The following SCN8A variants were observed in gnomAD, a reference collection of about 807,000 sequenced individuals.
SCN8A encodes sodium voltage-gated channel alpha subunit 8.
In SCN8A, 30 loss-of-function variants were observed where a neutral mutation model predicts 184.1. The ratio of observed to expected loss-of-function variants is 0.16; its 90% CI spans 0.12 to 0.22. The LOEUF (loss-of-function observed/expected upper bound fraction) is 0.22. Among genes scored for constraint, SCN8A ranks in the 10% least tolerant of loss-of-function variants. SCN8A has a pLI of 1.00. For missense variants in SCN8A, 1,057 were observed against 2,498.9 expected (o/e 0.42, Z 12.30); for synonymous variants, 852 against 907.0 (o/e 0.94, Z 1.09).
rs1179542600 is a variant in SCN8A, at chr12:51,789,148, C to CAGAA, written c.4282-128_4282-125dup. ...ATGCCAGTGTAGAGAAGGAGGCAGG[C>CAGAA]AGAAAGAATCTAGGGCTCTCCCACC... On this transcript the variant is annotated intron_variant, in intron 23 of 26. Transcript: ENST00000627620. The CAGAA allele has an allele frequency of 5.5e-6, 5 of 905,116 alleles. No individual in the cohort carries two copies. The East Asian group carries it at 1.3e-4, about 24-fold the overall frequency. 56.1% of individuals were successfully genotyped at this position (905,116 alleles called of 1,614,324 possible).
At chr12:51,674,490 G>A (rs1460220050) in intron 2 of SCN8A, among the ~76,000 whole-genome samples, 1 of 152,060 alleles carries the variant, frequency 6.6e-6, no homozygotes, top group Non-Finnish European at 1.5e-5. Context: ...ACGCCACCAC[G>A]CCTGGCTAAT....
intron 21 of SCN8A, among the ~76,000 whole-genome samples, chr12:51,782,496 A>C (rs1055678296): frequency 1.3e-5 from 2 of 152,254 alleles, no homozygotes; most frequent in African/African-American, 4.8e-5. Flanking sequence ...GATGCAACCA[A>C]AAAAGTCCAC....
chr12:51,768,668 A>T (rs1942874122), intron 16 of SCN8A, among the ~76,000 whole-genome samples, 197 bp from the exon 17 acceptor site: 1 of 152,180 alleles, frequency 6.6e-6, no homozygotes, highest in Non-Finnish European at 1.5e-5. Context: ...GAGGTGCTAA[A>T]CTCCTTGTAT....
intron 2 of SCN8A, among the ~76,000 whole-genome samples, chr12:51,674,387 C>T (rs1373218447): frequency 6.6e-6 from 1 of 151,988 alleles, no homozygotes; most frequent in Non-Finnish European, 1.5e-5. Context: ...GGCTGGAGTG[C>T]AGTGGCACAG....
rs919899554 is a variant in SCN8A at position 51,794,589 on chromosome 12, C to T, written c.4743C>T (p.Phe1581=). 7 of 1,613,882 alleles carry T rather than the reference C, an allele frequency of 4.3e-6. No homozygotes were observed. Among genetic ancestry groups the T allele is most frequent in the Non-Finnish European group, 5.1e-6 (6 of 1,179,912 alleles). Residue 1581 remains phenylalanine (F), a synonymous_variant, in exon 26 of 27, where the codon TTC becomes TTT. Coordinates refer to ENST00000627620, the MANE Select transcript of SCN8A (RefSeq NM_001330260.2). The stretch of plus-strand genomic sequence containing the variant: ...TGTTTGCGTTGAGGCACTACTACTT[C>T]ACCATTGGCTGGAACATCTTCGACT... ...LKMFALRHYY[F]TIGWNIFDFV...
intron 12 of SCN8A, among the ~76,000 whole-genome samples, chr12:51,742,211 A>G (rs748192454): frequency 6.6e-6 from 1 of 152,218 alleles, no homozygotes; most frequent in Non-Finnish European, 1.5e-5. Flanking sequence ...TAATTATGGT[A>G]TGTGGGAGTT....
rs367834378 is a variant in SCN8A at position 51,592,935 on chromosome 12, T to G, written c.-55+1576T>G. Among the ~76,000 whole-genome samples, 68 of 152,256 alleles carry G rather than the reference T, an allele frequency of 4.5e-4. No individual in the cohort carries two copies. The South Asian group carries it at 0.014, about 31-fold the overall frequency. On this transcript the variant is annotated intron_variant, in intron 1 of 26. Transcript: ENST00000627620. The stretch of plus-strand genomic sequence containing the variant: ...ATTAGAAGATGTGGAGGGGGGGATG[T>G]TGTGCTTTTATTCTTTTCTCAAAAA...
rs371766742 is a variant in SCN8A at position 51,807,281 on chromosome 12, G to A, written c.5795G>A (p.Arg1932Gln). 1.5e-5 allele frequency: 24 copies of A among 1,613,886 alleles called. 1 individual carries two copies. Among genetic ancestry groups the A allele is most frequent in the East Asian group, 4.5e-5 (2 of 44,878 alleles). ...AAGCTGGAGAATGGAGGCACACACC[G>A]GGAGAAAAAAGAGAGCACCCCATCT... ...SNKLENGGTH[R>Q]EKKESTPSTA... The change falls in exon 27 of 27, where the codon CGG becomes CAG. Residue 1932 changes from arginine (R) to glutamine (Q), a missense_variant. Physicochemically the swap from Arg to Gln is conservative, Grantham distance 43. Around this residue, in one of 19 missense-constraint regions of SCN8A, gnomAD observed 95 missense variants for 140.2 expected, o/e 0.68. Coordinates refer to ENST00000627620, the MANE Select transcript of SCN8A (RefSeq NM_001330260.2). The surrounding 1 kb of genome is among the most constrained non-coding windows in gnomAD (Gnocchi z 4.5).
Position 51,807,111 on chromosome 12 carries a change from A to G in SCN8A, c.5625A>G (p.Ala1875=), listed in dbSNP as rs1483849423. 6.2e-7 allele frequency: 1 copy of G among 1,613,922 alleles called. No individual in the cohort carries two copies. The highest frequency in any genetic ancestry group is 8.5e-7 in the Non-Finnish European group (1 of 1,179,868). ...LRQQMEERFV[A]SNPSKVSYEP... ...AGCAGATGGAAGAGCGGTTCGTGGC[A>G]TCCAATCCTTCCAAAGTGTCTTACG... The change falls in exon 27 of 27, where the codon GCA becomes GCG. Residue 1875 remains alanine, a synonymous_variant. Coordinates refer to ENST00000627620, the MANE Select transcript of SCN8A (RefSeq NM_001330260.2). This position sits in a 1 kb window ranked among gnomAD's most constrained non-coding sequence, Gnocchi z 4.5.
At chr12:51,805,897 C>T (rs898180695) in intron 26 of SCN8A, among the ~76,000 whole-genome samples, 13 of 151,862 alleles carry the variant, frequency 8.6e-5, no homozygotes, top group African/African-American at 3.1e-4. Context: ...GGCACGATCT[C>T]GGCTTACTAC....
intron 2 of SCN8A, among the ~76,000 whole-genome samples, chr12:51,671,722 C>T (rs983940205): frequency 2.0e-5 from 3 of 152,178 alleles, no homozygotes; most frequent in African/African-American, 7.2e-5. Flanking sequence ...GGATGCTTCT[C>T]TTTTGAATTG....
At chr12:51,687,017 G>T in intron 4 of SCN8A, 74 bp from the exon 5 acceptor site, 1 of 1,518,366 alleles carries the variant, frequency 6.6e-7, no homozygotes, top group Non-Finnish European at 9.1e-7. Context: ...AACACTTCAG[G>T]CAAGTGCTAA....
intron 12 of SCN8A, among the ~76,000 whole-genome samples, chr12:51,724,379 G>A (rs1178970031): frequency 2.6e-5 from 4 of 152,080 alleles, no homozygotes; most frequent in Non-Finnish European, 4.4e-5. Flanking sequence ...CCTGGGAGGC[G>A]GAGGCTGTAA....
chr12:51,738,369 T>C (rs541783015), intron 12 of SCN8A, among the ~76,000 whole-genome samples: 22 of 152,322 alleles, frequency 1.4e-4, no homozygotes, highest in Middle Eastern at 6.8e-3. Flanking sequence ...TTTGATATAC[T>C]TCAGTGGCTT....
chr12:51,648,757 C>A (rs1940646122), intron 1 of SCN8A, among the ~76,000 whole-genome samples: 1 of 152,138 alleles, frequency 6.6e-6, no homozygotes, highest in African/African-American at 2.4e-5. Context: ...CATGGGAGTA[C>A]AATTCAAGAT....
intron 1 of SCN8A, among the ~76,000 whole-genome samples, chr12:51,609,830 G>C (rs1260574067): frequency 7.4e-6 from 1 of 135,498 alleles, no homozygotes; most frequent in African/African-American, 2.7e-5. Flanking sequence ...TGTGGGGAGG[G>C]GGGAGGGGGG....
chr12:51,734,197 T>G (rs1214838512), intron 12 of SCN8A, among the ~76,000 whole-genome samples: 1 of 152,220 alleles, frequency 6.6e-6, no homozygotes, highest in African/African-American at 2.4e-5. Flanking sequence ...ATGTCAGTGC[T>G]GCTGAGACCA....
intron 1 of SCN8A, among the ~76,000 whole-genome samples, chr12:51,649,167 T>A (rs999751718): frequency 2.6e-5 from 4 of 152,248 alleles, no homozygotes; most frequent in Non-Finnish European, 4.4e-5. Flanking sequence ...CATGTCACAC[T>A]GATGCAATAG....
intron 6 of SCN8A, among the ~76,000 whole-genome samples, chr12:51,694,416 C>T (rs1407418890): frequency 6.6e-6 from 1 of 152,196 alleles, no homozygotes; most frequent in Non-Finnish European, 1.5e-5. Context: ...AATTCTTCAC[C>T]TGCTTCTTAA....
Sources: gnomAD v4.1 joint callset for allele counts (sites outside exome capture counted in the v4.1 genomes callset) on GRCh38, gnomAD v4.1.1 for gene constraint, gnomAD v4.1.1 regional missense constraint, Gnocchi (gnomAD v3.1) non-coding constraint, MANE v1.5 for transcripts, NCBI Gene and HGNC (gene_info 2026-07-23, HGNC 2026-07-21) for gene names.